HDAC4: variants seen among roughly 807,000 people sequenced by gnomAD.
The protein encoded by HDAC4 is histone deacetylase A.
HDAC4 carries 16 observed loss-of-function variants against 135.1 expected under a neutral mutation model. That is an observed-to-expected ratio of 0.12 (90% CI 0.08 to 0.18). The LOEUF (loss-of-function observed/expected upper bound fraction) is 0.18. Ranked by LOEUF, HDAC4 falls within the 10% of genes least tolerant of loss-of-function variation. The pLI is 1.00. For missense variants in HDAC4, 1,143 were observed against 1,511.8 expected (o/e 0.76, Z 4.05); for synonymous variants, 685 against 653.4 (o/e 1.05, Z -0.74).
chr2:239,190,883 A>G (rs1295104236), intron 3 of HDAC4: 2 of 441,244 alleles, frequency 4.5e-6, no homozygotes, highest in Non-Finnish European at 9.6e-6. Flanking sequence ...GAAGAAGGGT[A>G]GGTTTAAATT....
intron 19 of HDAC4, among the ~76,000 whole-genome samples, chr2:239,086,171 C>G (rs112141749): frequency 3.8e-4 from 13 of 34,042 alleles, no homozygotes; most frequent in Admixed American, 3.4e-3. Context: ...TCCCTGTACA[C>G]GAAGGAGACT....
chr2:239,060,085 C>T (rs1244136914), intron 24 of HDAC4, among the ~76,000 whole-genome samples: 1 of 152,202 alleles, frequency 6.6e-6, no homozygotes, highest in Non-Finnish European at 1.5e-5. Context: ...AAACAGGGCA[C>T]CCTTCAGTGC....
intron 3 of HDAC4, among the ~76,000 whole-genome samples, chr2:239,235,089 C>T (rs529036305): frequency 3.3e-5 from 5 of 152,252 alleles, no homozygotes; most frequent in Non-Finnish European, 1.5e-5. Context: ...AGCTCCCCAC[C>T]GCTCCCCCAG....
At chr2:239,064,509 G>C (rs1195346490) in intron 24 of HDAC4, among the ~76,000 whole-genome samples, 1 of 152,156 alleles carries the variant, frequency 6.6e-6, no homozygotes, top group Non-Finnish European at 1.5e-5. Context: ...GGGGAGGGAG[G>C]AAGGTTCTGG....
chr2:239,153,272 T>C (rs1353208763), intron 7 of HDAC4, among the ~76,000 whole-genome samples: 1 of 152,264 alleles, frequency 6.6e-6, no homozygotes, highest in Non-Finnish European at 1.5e-5. Flanking sequence ...TCACAGGTCA[T>C]ACAATTGCCC....
intron 1 of HDAC4, among the ~76,000 whole-genome samples, chr2:239,366,765 G>C (rs1694247161): frequency 6.6e-6 from 1 of 152,104 alleles, no homozygotes; most frequent in Non-Finnish European, 1.5e-5. Flanking sequence ...AAGGCCAGTG[G>C]GGTCCCAGGC....
At chr2:239,197,478 C>A (rs559013012) in intron 3 of HDAC4, among the ~76,000 whole-genome samples, 134 of 152,314 alleles carry the variant, frequency 8.8e-4, no homozygotes, top group African/African-American at 3.0e-3. Context: ...AGCTCCCGTG[C>A]TCCCATCGTA....
At chr2:239,199,296 T>TCTG (rs941847048) in intron 3 of HDAC4, among the ~76,000 whole-genome samples, 4 of 151,918 alleles carry the variant, frequency 2.6e-5, no homozygotes, top group African/African-American at 9.7e-5. Context: ...ACCCCTGCTC[T>TCTG]CTGGGTGGCT....
chr2:239,115,248 C>G lies in HDAC4; in HGVS notation c.1596G>C (p.Glu532Asp). The part of the protein sequence containing the change: ...QPESHPEETE[E>D]ELREHQALLD... The stretch of plus-strand genomic sequence containing the variant: ...GCAGAGCCTGGTGCTCACGGAGCTC[C>G]TCCTCCGTCTCCTCCGGGTGGCTCT... The change falls in exon 13 of 27, where the codon GAG becomes GAC. Residue 532 changes from glutamate (E) to aspartate (D), a missense_variant. By Grantham distance (45) the Glu-to-Asp change is conservative (BLOSUM62 2). This residue lies in a region of HDAC4 where 196 missense variants were observed against 210.7 expected (regional missense o/e 0.93). Transcript: ENST00000543185. This position sits in a 1 kb window ranked among gnomAD's most constrained non-coding sequence, Gnocchi z 6.3. 6 of 1,612,930 alleles carry G rather than the reference C, an allele frequency of 3.7e-6. No individual in the cohort carries two copies. The highest frequency in any genetic ancestry group is 5.1e-6 in the Non-Finnish European group (6 of 1,179,712).
chr2:239,381,197 G>A (rs1477045351), intron 1 of HDAC4, among the ~76,000 whole-genome samples: 2 of 152,232 alleles, frequency 1.3e-5, no homozygotes, highest in Non-Finnish European at 1.5e-5. Flanking sequence ...AAAACACGCA[G>A]TGAGCTGAGC....
At chr2:239,147,969 G>A (rs1251201806) in intron 7 of HDAC4, among the ~76,000 whole-genome samples, 6 of 152,312 alleles carry the variant, frequency 3.9e-5, no homozygotes, top group East Asian at 3.9e-4. Flanking sequence ...TCTCAGAGCC[G>A]GAACGCTTTA....
At chr2:239,162,860 C>T (rs765850917) in intron 6 of HDAC4, among the ~76,000 whole-genome samples, 3 of 152,120 alleles carry the variant, frequency 2.0e-5, no homozygotes, top group Non-Finnish European at 4.4e-5. Flanking sequence ...GTGGGGGGGT[C>T]TCACTACACA....
chr2:239,071,509 G>T (rs532815847), intron 22 of HDAC4, among the ~76,000 whole-genome samples: 1 of 152,300 alleles, frequency 6.6e-6, no homozygotes, highest in Non-Finnish European at 1.5e-5. Context: ...CAATAAGCAG[G>T]TGTTATCATT....
At chr2:239,113,926 C>T (rs570388597) in intron 13 of HDAC4, among the ~76,000 whole-genome samples, 1 of 135,058 alleles carries the variant, frequency 7.4e-6, no homozygotes, top group South Asian at 2.1e-4. Context: ...AGAGACAGGC[C>T]CCCCTCTGAA....
intron 5 of HDAC4, among the ~76,000 whole-genome samples, chr2:239,164,889 C>G (rs2152974363): frequency 6.6e-6 from 1 of 152,306 alleles, no homozygotes; most frequent in South Asian, 2.1e-4. Flanking sequence ...ACTTACTATT[C>G]TAACCCTCGG....
chr2:239,159,695 C>T (rs1026271098), intron 6 of HDAC4, among the ~76,000 whole-genome samples: 24 of 152,296 alleles, frequency 1.6e-4, no homozygotes, highest in African/African-American at 3.6e-4. Flanking sequence ...ACACTCACCC[C>T]GGCCACACTC....
chr2:239,184,069 TAAAAAAA>T (rs58952360), intron 4 of HDAC4, among the ~76,000 whole-genome samples: 13 of 71,402 alleles, frequency 1.8e-4, no homozygotes, highest in African/African-American at 8.0e-4. Context: ...CTTGCTAGTG[TAAAAAAA>T]AAAAAAAAAA....
intron 1 of HDAC4, among the ~76,000 whole-genome samples, chr2:239,397,568 C>T (rs1559408619): frequency 6.6e-6 from 1 of 152,134 alleles, no homozygotes; most frequent in East Asian, 1.9e-4. Context: ...AGGACCCTGA[C>T]CCTCCTTCTA....
intron 3 of HDAC4, among the ~76,000 whole-genome samples, chr2:239,235,220 G>A (rs1485835556): frequency 4.6e-5 from 7 of 152,110 alleles, no homozygotes; most frequent in East Asian, 3.9e-4. Context: ...CCAGGGGACC[G>A]TACCCCACAG....
Sources: allele counts gnomAD v4.1 joint callset (sites outside exome capture counted in the v4.1 genomes callset), GRCh38; gene constraint gnomAD v4.1.1; regional missense constraint gnomAD v4.1.1; non-coding constraint Gnocchi (gnomAD v3.1); transcripts MANE v1.5; gene names NCBI Gene and HGNC (gene_info 2026-07-23, HGNC 2026-07-21).